The following TBPL1 variants were observed in gnomAD, a reference collection of about 807,000 sequenced individuals.
TBPL1 encodes TATA-box binding protein like 1, also known as TATA box-binding protein-like 1.
A neutral mutation model predicts 22.1 loss-of-function variants in TBPL1; 4 were observed. The ratio of observed to expected loss-of-function variants is 0.18; its 90% CI spans 0.09 to 0.41. The LOEUF (loss-of-function observed/expected upper bound fraction) is 0.41. Ranked by LOEUF, TBPL1 falls within the 10% of genes least tolerant of loss-of-function variation. The pLI is 1.00. For synonymous variants in TBPL1, 64 were observed against 71.0 expected (o/e 0.90, Z 0.50); for missense variants, 115 against 222.3 (o/e 0.52, Z 3.07).
At chr6:133,978,289 T>C (rs1582579837) in intron 1 of TBPL1, among the ~76,000 whole-genome samples, 1 of 152,236 alleles carries the variant, frequency 6.6e-6, no homozygotes, top group East Asian at 1.9e-4. Context: ...ACTGTTACAA[T>C]ATCCTAGATA....
At chr6:133,967,342 C>T (rs1245541279) in intron 1 of TBPL1, among the ~76,000 whole-genome samples, 1 of 151,986 alleles carries the variant, frequency 6.6e-6, no homozygotes, top group Non-Finnish European at 1.5e-5. Context: ...ATTAAGCGGG[C>T]AAAAGGTTAA....
chr6:133,985,297 AATATATAT>A (rs3068194), intron 6 of TBPL1, among the ~76,000 whole-genome samples: 439 of 42,858 alleles, frequency 0.01, 38 homozygotes, highest in Middle Eastern at 0.053. Flanking sequence ...AAAAAAAAAA[AATATATAT>A]ATATATATAT....
rs59102121 is a variant in TBPL1 at position 133,987,648 on chromosome 6, G to GTATATATATATATATATA, written c.*610_*627dup. 6.1e-4 allele frequency: 54 copies of GTATATATATATATATATA among 88,392 alleles called. No individual in the cohort carries two copies. The highest frequency in any genetic ancestry group is 1.7e-3 in the African/African-American group (48 of 27,574). 5.5% of individuals were successfully genotyped at this position (88,392 alleles called of 1,614,324 possible). Reference sequence around the variant, plus strand: ...TTTGTGTGTGTGTGTGTGTGTGTGTGTATATATATATATATATATGCACCA... The same window carrying GTATATATATATATATATA: ...TTTGTGTGTGTGTGTGTGTGTGTGTGTATATATATATATATATATATATATATATATATATATGCACCA... On this transcript the variant is annotated 3_prime_UTR_variant, in exon 7 of 7. Transcript: ENST00000237264.
intron 1 of TBPL1, among the ~76,000 whole-genome samples, chr6:133,964,745 G>C (rs2114338252): frequency 6.6e-6 from 1 of 152,226 alleles, no homozygotes; most frequent in South Asian, 2.1e-4. Context: ...ACCATGCCCG[G>C]CCGAACTCTG....
At chr6:133,959,043 A>AT (rs527327266) in intron 1 of TBPL1, among the ~76,000 whole-genome samples, 23 of 149,882 alleles carry the variant, frequency 1.5e-4, no homozygotes, top group South Asian at 1.1e-3. Flanking sequence ...GTGCTGGGAA[A>AT]TTTTTTTTTT....
At chr6:133,975,663 T>C (rs1582577316) in intron 1 of TBPL1, among the ~76,000 whole-genome samples, 1 of 152,198 alleles carries the variant, frequency 6.6e-6, no homozygotes, top group Non-Finnish European at 1.5e-5. Context: ...ACCAGATTCA[T>C]CAATAATCTT....
At chr6:133,962,917 T>C (rs997160927) in intron 1 of TBPL1, among the ~76,000 whole-genome samples, 1 of 152,184 alleles carries the variant, frequency 6.6e-6, no homozygotes, top group Non-Finnish European at 1.5e-5. Context: ...CAGAGAAGTA[T>C]ATGAGATGGG....
chr6:133,975,150 G>A (rs1188821463), intron 1 of TBPL1, among the ~76,000 whole-genome samples: 1 of 152,010 alleles, frequency 6.6e-6, no homozygotes, highest in African/African-American at 2.4e-5. Flanking sequence ...TTTGTTCTGA[G>A]AAGAAACCAA....
intron 1 of TBPL1, among the ~76,000 whole-genome samples, chr6:133,954,310 A>G (rs957092523): frequency 2.6e-5 from 4 of 152,192 alleles, no homozygotes; most frequent in African/African-American, 9.7e-5. Context: ...GACTTAAGAA[A>G]AGGGAGCAGG....
At chr6:133,962,395 T>C (rs899409430) in intron 1 of TBPL1, among the ~76,000 whole-genome samples, 1 of 152,304 alleles carries the variant, frequency 6.6e-6, no homozygotes, top group South Asian at 2.1e-4. Flanking sequence ...AATAAAACGT[T>C]GCTTTGGATG....
chr6:133,953,904 G>A (rs1775882571), intron 1 of TBPL1, among the ~76,000 whole-genome samples: 1 of 152,090 alleles, frequency 6.6e-6, no homozygotes, highest in Admixed American at 6.6e-5. Flanking sequence ...GGCTTCGTCG[G>A]TTTCTGATTC....
chr6:133,966,068 CAG>C (rs566214270), intron 1 of TBPL1, among the ~76,000 whole-genome samples: 1 of 152,034 alleles, frequency 6.6e-6, no homozygotes, highest in Non-Finnish European at 1.5e-5. Flanking sequence ...ACTTCAGAGA[CAG>C]AGAGAGACAG....
In TBPL1 at chr6:133,985,941, C is replaced by A. The variant is rs369971915; in HGVS notation, c.482-1020C>A. On this transcript the variant is annotated intron_variant, in intron 6 of 6. Transcript: ENST00000237264. ...CTGAGAAGCCACAAAGCCTATTGAA[C>A]AATCTCTACTAAGTATATAATAAAA... The A allele has an allele frequency of 1.4e-4, 22 of 152,266 alleles. 1 individual carries two copies. Among genetic ancestry groups the A allele is most frequent in the Admixed American group, 6.5e-4 (10 of 15,292 alleles). The allele number at this position is 152,266 out of a possible 1,614,324, so 9.4% of individuals were successfully genotyped here.
chr6:133,984,234 C>T lies in TBPL1; in HGVS notation c.283-142C>T, dbSNP rs1362859874. On this transcript the variant is annotated intron_variant, in intron 4 of 6. Coordinates refer to ENST00000237264, the MANE Select transcript of TBPL1 (RefSeq NM_004865.4). ...AACTGAATTAAAGCTTTCCATGCTA[C>T]ACAACTTACAGTACTAAACATACAC... 1.4e-5 allele frequency: 8 copies of T among 581,440 alleles called. No homozygotes were observed. The East Asian group carries it at 2.3e-4, about 17-fold the overall frequency. The allele number at this position is 581,440 out of a possible 1,614,324, so 36.0% of individuals were successfully genotyped here.
chr6:133,964,435 TG>T (rs1009044943), intron 1 of TBPL1, among the ~76,000 whole-genome samples: 4 of 151,780 alleles, frequency 2.6e-5, no homozygotes, highest in Admixed American at 1.3e-4. Context: ...TGTTTTGTTT[TG>T]TTTTTTTGGG....
At chr6:133,986,856 T>G in intron 6 of TBPL1, 105 bp from the exon 7 acceptor site, 1 of 666,376 alleles carries the variant, frequency 1.5e-6, no homozygotes, top group Non-Finnish European at 2.4e-6. Flanking sequence ...ACAGTTAACT[T>G]GATATTCTAT....
chr6:133,958,608 A>G (rs898105610), intron 1 of TBPL1, among the ~76,000 whole-genome samples: 6 of 152,172 alleles, frequency 3.9e-5, no homozygotes, highest in African/African-American at 9.7e-5. Context: ...TTAAGTCCAA[A>G]TGTTTTAGTT....
intron 1 of TBPL1, among the ~76,000 whole-genome samples, chr6:133,977,999 C>G (rs1159696494): frequency 6.6e-6 from 1 of 152,212 alleles, no homozygotes; most frequent in Non-Finnish European, 1.5e-5. Flanking sequence ...TTGACCAGAA[C>G]ATATTCAGGT....
At chr6:133,971,398 A>G (rs1776218397) in intron 1 of TBPL1, among the ~76,000 whole-genome samples, 1 of 152,230 alleles carries the variant, frequency 6.6e-6, no homozygotes, top group Admixed American at 6.5e-5. Flanking sequence ...TCTCTTCAAC[A>G]TCCTGATTTC....
Sources: gnomAD v4.1 joint callset for allele counts (sites outside exome capture counted in the v4.1 genomes callset) on GRCh38, gnomAD v4.1.1 for gene constraint, MANE v1.5 for transcripts, NCBI Gene and HGNC (gene_info 2026-07-23, HGNC 2026-07-21) for gene names.